The following PDE8B variants were observed in gnomAD, a reference collection of about 807,000 sequenced individuals.
The protein encoded by PDE8B is high affinity cAMP-specific and IBMX-insensitive 3',5'-cyclic phosphodiesterase 8B.
In PDE8B, 26 loss-of-function variants were observed where a neutral mutation model predicts 101.3. The ratio of observed to expected loss-of-function variants is 0.26; its 90% CI spans 0.19 to 0.36. The LOEUF (loss-of-function observed/expected upper bound fraction) is 0.36. Ranked by LOEUF, PDE8B falls within the 10% of genes least tolerant of loss-of-function variation. The pLI is 1.00. For synonymous variants in PDE8B, 424 were observed against 429.3 expected (o/e 0.99, Z 0.15); for missense variants, 810 against 1,163.1 (o/e 0.70, Z 4.42).
At chr5:77,101,558 G>A in the PDE8B span, among the ~76,000 whole-genome samples, 3 of 152,080 alleles carry the variant, frequency 2.0e-5, no homozygotes, top group Non-Finnish European at 4.4e-5. Context: ...CACTATGTTA[G>A]AAGGATCTCT....
chr5:77,175,645 G>A, the PDE8B span, among the ~76,000 whole-genome samples: 1 of 152,156 alleles, frequency 6.6e-6, no homozygotes, highest in African/African-American at 2.4e-5. Flanking sequence ...TCCTCCACTA[G>A]AATGTAAGCA....
intron 4 of PDE8B, 45 bp from the exon 5 acceptor site, chr5:77,331,357 C>G: frequency 6.4e-7 from 1 of 1,553,274 alleles, no homozygotes; most frequent in South Asian, 1.1e-5. Flanking sequence ...GTGAGGAATC[C>G]TGGTTTGTAT....
chr5:77,403,186 G>A (rs1792676052), intron 11 of PDE8B, among the ~76,000 whole-genome samples: 1 of 152,066 alleles, frequency 6.6e-6, no homozygotes, highest in South Asian at 2.1e-4. Flanking sequence ...TATGCTTTTT[G>A]TTAGTTTTTA....
At chr5:77,356,909 C>T (rs879786288) in intron 10 of PDE8B, among the ~76,000 whole-genome samples, 6 of 152,148 alleles carry the variant, frequency 3.9e-5, no homozygotes. Context: ...TGACGGGATG[C>T]TAATGAGCTA....
At chr5:77,224,867 CAT>C (rs2149451861) in intron 1 of PDE8B, among the ~76,000 whole-genome samples, 1 of 152,300 alleles carries the variant, frequency 6.6e-6, no homozygotes, top group Admixed American at 6.5e-5. Context: ...TTGCTGATTA[CAT>C]TCCTGTGGTA....
At chr5:77,420,605 ACTGTGTAGGACCCAT>A (rs1296001632) in intron 19 of PDE8B, among the ~76,000 whole-genome samples, 1 of 151,890 alleles carries the variant, frequency 6.6e-6, no homozygotes, top group Non-Finnish European at 1.5e-5. Flanking sequence ...AAGGAGATGA[ACTGTGTAGGACCCAT>A]CCCATGACCA....
At chr5:77,170,834 G>GA in the PDE8B span, among the ~76,000 whole-genome samples, 1 of 152,052 alleles carries the variant, frequency 6.6e-6, no homozygotes, top group Non-Finnish European at 1.5e-5. Context: ...ACTGTCCCAA[G>GA]AAAAAAATAA....
At chr5:77,147,763 C>T in the PDE8B span, 1 of 152,210 alleles carries the variant, frequency 6.6e-6, no homozygotes, top group Admixed American at 6.5e-5. Flanking sequence ...ATGAGGTCCT[C>T]AGTCTGACAA....
In PDE8B at chr5:77,400,113, G is replaced by C. The variant is rs563454407; in HGVS notation, c.1168-135G>C. The stretch of plus-strand genomic sequence containing the variant: ...ACCACTTGGTGTATGTCTTTCATCT[G>C]TTCATATTATATGTGCAGCTTCTTG... On this transcript the variant is annotated intron_variant, in intron 10 of 21. Transcript: ENST00000264917. 1.1e-5 allele frequency: 8 copies of C among 697,936 alleles called. No homozygotes were observed. Among genetic ancestry groups the C allele is most frequent in the East Asian group, 5.1e-5 (2 of 39,182 alleles). 43.2% of individuals were successfully genotyped at this position (697,936 alleles called of 1,614,324 possible).
At chr5:77,379,979 G>T (rs974303657) in intron 10 of PDE8B, among the ~76,000 whole-genome samples, 1 of 152,170 alleles carries the variant, frequency 6.6e-6, no homozygotes, top group Non-Finnish European at 1.5e-5. Flanking sequence ...AAAGCATTCA[G>T]TTCTGTCGTG....
the PDE8B span, among the ~76,000 whole-genome samples, chr5:77,199,490 T>C: frequency 6.6e-6 from 1 of 152,222 alleles, no homozygotes. Context: ...TTTCTTTTCT[T>C]TTAAAGTTGA....
intron 1 of PDE8B, among the ~76,000 whole-genome samples, chr5:77,259,068 A>C (rs867809850): frequency 0.095 from 3,845 of 40,372 alleles, 83 homozygotes; most frequent in Middle Eastern, 0.14. Flanking sequence ...ACACACACAC[A>C]CCCCCGCCCC....
intron 1 of PDE8B, among the ~76,000 whole-genome samples, chr5:77,220,963 T>C (rs963658115): frequency 1.3e-5 from 2 of 152,214 alleles, no homozygotes; most frequent in Non-Finnish European, 2.9e-5. Context: ...CTACATCTGC[T>C]CAACCGTCCT....
At chr5:77,404,622 C>T (rs1181389854) in intron 11 of PDE8B, 98 bp from the exon 12 acceptor site, 25 of 772,074 alleles carry the variant, frequency 3.2e-5, no homozygotes, top group Non-Finnish European at 5.5e-5. Context: ...AAAAAGTAAC[C>T]TTGTTTTCTT....
chr5:77,326,991 A>T (rs1208597451), intron 3 of PDE8B, among the ~76,000 whole-genome samples: 1 of 152,230 alleles, frequency 6.6e-6, no homozygotes, highest in Non-Finnish European at 1.5e-5. Flanking sequence ...TTTATTTCCT[A>T]CCAAATATAT....
chr5:77,409,099 G>A (rs1319151778), intron 14 of PDE8B, 42 bp downstream of exon 14: 4 of 1,568,628 alleles, frequency 2.6e-6, no homozygotes, highest in Non-Finnish European at 2.6e-6. Context: ...AGAGGTATCC[G>A]GGGCCTCTAG....
intron 10 of PDE8B, among the ~76,000 whole-genome samples, chr5:77,374,936 A>G (rs1785778592): frequency 6.6e-6 from 1 of 152,150 alleles, no homozygotes; most frequent in South Asian, 2.1e-4. Flanking sequence ...GTCTTTGCCT[A>G]CAGACTACAG....
At chr5:77,111,257 T>A in the PDE8B span, among the ~76,000 whole-genome samples, 1 of 152,050 alleles carries the variant, frequency 6.6e-6, no homozygotes, top group African/African-American at 2.4e-5. Context: ...ATTCACAGAT[T>A]GGGGATTATT....
At chr5:77,245,955 A>G (rs1756850298) in intron 1 of PDE8B, among the ~76,000 whole-genome samples, 1 of 148,492 alleles carries the variant, frequency 6.7e-6, no homozygotes, top group African/African-American at 2.5e-5. Flanking sequence ...AGCTCAAGCA[A>G]TCCTCTTGCC....
Sources: gnomAD v4.1 joint callset for allele counts (sites outside exome capture counted in the v4.1 genomes callset) on GRCh38, gnomAD v4.1.1 for gene constraint, MANE v1.5 for transcripts, NCBI Gene and HGNC (gene_info 2026-07-23, HGNC 2026-07-21) for gene names.